The following SMURF1 variants were observed in gnomAD, a reference collection of about 807,000 sequenced individuals.
SMURF1 encodes SMAD specific E3 ubiquitin protein ligase 1.
A neutral mutation model predicts 98.0 loss-of-function variants in SMURF1; 44 were observed. That is an observed-to-expected ratio of 0.45 (90% confidence interval 0.35 to 0.58). The LOEUF (loss-of-function observed/expected upper bound fraction) is 0.58, where lower values mean the gene tolerates loss of function less well. Among genes scored for constraint, SMURF1 ranks in the 20% least tolerant of loss-of-function variants. The pLI is 0.00. For missense variants in SMURF1, 687 were observed against 938.4 expected (o/e 0.73, Z 3.50); for synonymous variants, 396 against 374.9 (o/e 1.06, Z -0.65).
intron 1 of SMURF1, among the ~76,000 whole-genome samples, chr7:99,072,086 G>T (rs1190860998): frequency 6.8e-6 from 1 of 148,116 alleles, no homozygotes; most frequent in Non-Finnish European, 1.5e-5. Context: ...CTCTTTAAAA[G>T]AATAAATAAA....
chr7:99,047,886 GAGA>G lies in SMURF1; in HGVS notation c.954-7_954-5del. ...CTCCTTGAGTTGGCACTGGTGACTT[GAGA>G]AGAAGAGATGCAGAAAGTCACTCCG... is the stretch of plus-strand genomic sequence containing the variant. On this transcript the variant is annotated splice_region_variant and splice_polypyrimidine_tract_variant and intron_variant, in intron 9 of 17. Transcript: ENST00000361368. 3 of 1,613,164 alleles carry G rather than the reference GAGA, an allele frequency of 1.9e-6. 1 individual carries two copies. The highest frequency in any genetic ancestry group is 2.2e-5 in the East Asian group (1 of 44,884).
chr7:99,052,206 G>A lies in SMURF1; in HGVS notation c.720C>T (p.Tyr240=), dbSNP rs550433622. The change falls in exon 7 of 18, where the codon TAC becomes TAT. Residue 240 remains tyrosine, a splice_region_variant and synonymous_variant. Transcript: ENST00000361368. ...CCACAGCAGGATACATTCTCTCACC[G>A]TAGCCTTCGGGCAGTTCCGGGGACT... ...GHQSPELPEG[Y]EQRTTVQGQV... The A allele has an allele frequency of 4.1e-5, 64 of 1,546,968 alleles. 1 individual carries two copies. In the South Asian group the frequency reaches 5.8e-4, roughly 14 times the overall value.
rs181746791 is a variant in SMURF1 at position 99,040,022 on chromosome 7, G to A, written c.1550+356C>T. 3.6e-3 allele frequency among the ~76,000 whole-genome samples: 542 copies of A among 152,240 alleles called. 2 individuals are homozygous for A. The highest frequency in any genetic ancestry group is 6.4e-3 in the Non-Finnish European group (435 of 68,016). On this transcript the variant is annotated intron_variant, in intron 13 of 17. Coordinates refer to ENST00000361368, the MANE Select transcript of SMURF1 (RefSeq NM_181349.3). ...GTGGCCTGTTAACGTCTGTGATCGCGCCTTCTTCATTCAAGGAAACAAAAG... is the reference window on the plus strand; with the variant it reads ...GTGGCCTGTTAACGTCTGTGATCGCACCTTCTTCATTCAAGGAAACAAAAG...
At chr7:99,138,755 G>A (rs565433279) in intron 1 of SMURF1, among the ~76,000 whole-genome samples, 1 of 152,070 alleles carries the variant, frequency 6.6e-6, no homozygotes, top group African/African-American at 2.4e-5. Flanking sequence ...AAAAAAGAAA[G>A]TTGTTCTAAA....
At chr7:99,062,509 C>A (rs192846809) in intron 1 of SMURF1, among the ~76,000 whole-genome samples, 2 of 151,974 alleles carry the variant, frequency 1.3e-5, no homozygotes, top group Non-Finnish European at 2.9e-5. Flanking sequence ...AAATATGGGG[C>A]CATCATCAGG....
intron 5 of SMURF1, 142 bp downstream of exon 5, chr7:99,057,063 G>C (rs890809491): frequency 1.4e-6 from 1 of 699,946 alleles, no homozygotes; most frequent in South Asian, 1.8e-5. Flanking sequence ...AAACTTCCTA[G>C]TACTGAAGAG....
intron 1 of SMURF1, among the ~76,000 whole-genome samples, chr7:99,143,220 G>A (rs1355609323): frequency 2.0e-4 from 23 of 114,560 alleles, no homozygotes; most frequent in Non-Finnish European, 2.9e-4. Context: ...AGGTGGGGAA[G>A]AGAAAGGACC....
In SMURF1 at chr7:99,103,253, C is replaced by G. The variant is rs551778443; in HGVS notation, c.55+40473G>C. Among the ~76,000 whole-genome samples the G allele has an allele frequency of 6.0e-4, 92 of 152,298 alleles. 1 individual carries two copies. The highest frequency in any genetic ancestry group is 3.5e-3 in the South Asian group (17 of 4,826). ...TCTAAACACCTATGTATACACCACT[C>G]CCAGCACTGTATACATACGCCTGTG... On this transcript the variant is annotated intron_variant, in intron 1 of 17. Transcript: ENST00000361368.
At chr7:99,032,099 C>CTAAAAACTATACAATTTT (rs1794916855) in intron 17 of SMURF1, among the ~76,000 whole-genome samples, 1 of 152,210 alleles carries the variant, frequency 6.6e-6, no homozygotes, top group Non-Finnish European at 1.5e-5. Flanking sequence ...TACATCCAAA[C>CTAAAAACTATACAATTTT]TAAAAACTAT....
intron 1 of SMURF1, among the ~76,000 whole-genome samples, chr7:99,111,115 A>G (rs1251139153): frequency 2.0e-5 from 3 of 152,228 alleles, no homozygotes; most frequent in African/African-American, 7.2e-5. Context: ...CCAGTTCAAT[A>G]TATTACCCTA....
intron 1 of SMURF1, among the ~76,000 whole-genome samples, chr7:99,077,281 A>G (rs912442798): frequency 6.6e-6 from 1 of 150,912 alleles, no homozygotes; most frequent in African/African-American, 2.4e-5. Context: ...AAAGGATTAA[A>G]CTGACAGTAG....
At chr7:99,116,837 G>C (rs1349398227) in intron 1 of SMURF1, among the ~76,000 whole-genome samples, 1 of 152,102 alleles carries the variant, frequency 6.6e-6, no homozygotes, top group Non-Finnish European at 1.5e-5. Context: ...TTATAGAAAT[G>C]GATATGCTCA....
chr7:99,051,296 T>G, intron 8 of SMURF1, 61 bp downstream of exon 8: 1 of 1,294,456 alleles, frequency 7.7e-7, no homozygotes, highest in South Asian at 1.2e-5. Context: ...CTGGAAGGTA[T>G]TGGCTTTTCA....
chr7:99,035,190 G>A (rs566386506), intron 16 of SMURF1, among the ~76,000 whole-genome samples: 8 of 152,294 alleles, frequency 5.3e-5, no homozygotes, highest in South Asian at 2.1e-4. Context: ...CTCCCTCCCC[G>A]GGATCTTGGC....
chr7:99,068,428 C>T (rs1796246484), intron 1 of SMURF1, among the ~76,000 whole-genome samples: 1 of 152,096 alleles, frequency 6.6e-6, no homozygotes, highest in Non-Finnish European at 1.5e-5. Flanking sequence ...GTAGCTGGGA[C>T]TATAGGCATG....
chr7:99,097,309 G>C (rs1299724036), intron 1 of SMURF1, among the ~76,000 whole-genome samples: 1 of 152,182 alleles, frequency 6.6e-6, no homozygotes, highest in Non-Finnish European at 1.5e-5. Flanking sequence ...AAACAACAGT[G>C]AAAGAGGTCA....
At chr7:99,087,679 T>G (rs1370803807) in intron 1 of SMURF1, among the ~76,000 whole-genome samples, 1 of 152,208 alleles carries the variant, frequency 6.6e-6, no homozygotes, top group Non-Finnish European at 1.5e-5. Context: ...GCTGATCGCT[T>G]CTGCCGCGCA....
chr7:99,128,061 TA>T (rs1584210779), intron 1 of SMURF1, among the ~76,000 whole-genome samples: 1 of 152,116 alleles, frequency 6.6e-6, no homozygotes, highest in Admixed American at 6.5e-5. Flanking sequence ...CAAAATACAG[TA>T]AATAAACCCT....
At chr7:99,086,842 C>T (rs968210597) in intron 1 of SMURF1, among the ~76,000 whole-genome samples, 6 of 152,128 alleles carry the variant, frequency 3.9e-5, no homozygotes, top group Admixed American at 1.3e-4. Context: ...TGTCATTTAT[C>T]GGAAATGTCC....
Sources: gnomAD v4.1 joint callset for allele counts (sites outside exome capture counted in the v4.1 genomes callset) on GRCh38, gnomAD v4.1.1 for gene constraint, MANE v1.5 for transcripts, NCBI Gene and HGNC (gene_info 2026-07-23, HGNC 2026-07-21) for gene names.